The following BRWD1 variants were observed in gnomAD, a reference collection of about 807,000 sequenced individuals.
The protein encoded by BRWD1 is bromodomain and WD repeat-containing protein 1.
In BRWD1, 82 loss-of-function variants were observed where a neutral mutation model predicts 251.2. The observed-to-expected ratio is 0.33, with a 90% CI of 0.27 to 0.39. The LOEUF (loss-of-function observed/expected upper bound fraction) is 0.39, where lower values mean the gene tolerates loss of function less well. BRWD1 is among the 10% of genes least tolerant of loss of function. BRWD1 has a pLI of 1.00. For synonymous variants in BRWD1, 918 were observed against 902.8 expected, an observed-to-expected ratio of 1.02 and a Z score of -0.30; for missense variants, 2,233 against 2,711.6, an observed-to-expected ratio of 0.82 and a Z score of 3.92.
intron 8 of BRWD1, among the ~76,000 whole-genome samples, chr21:39,282,424 G>C (rs760338089): frequency 6.6e-5 from 10 of 152,108 alleles, no homozygotes; most frequent in Non-Finnish European, 1.0e-4. Flanking sequence ...CTAACATTGA[G>C]CTTTGCAGGC....
intron 23 of BRWD1, among the ~76,000 whole-genome samples, chr21:39,233,333 T>C (rs1192419277): frequency 6.6e-6 from 1 of 152,186 alleles, no homozygotes; most frequent in East Asian, 1.9e-4. Context: ...ACATGAAATA[T>C]GCAACGTTTG....
chr21:39,273,173 G>A (rs576613102), intron 13 of BRWD1, among the ~76,000 whole-genome samples: 24 of 152,246 alleles, frequency 1.6e-4, no homozygotes, highest in African/African-American at 5.5e-4. Context: ...TTTCATTCAA[G>A]TTTTGACAGT....
At chr21:39,262,051 C>CA (rs2034768224) in intron 17 of BRWD1, among the ~76,000 whole-genome samples, 1 of 152,002 alleles carries the variant, frequency 6.6e-6, no homozygotes, top group Non-Finnish European at 1.5e-5. Flanking sequence ...CTCTTCAAAA[C>CA]AAAAAATATT....
rs770493778 is a variant in BRWD1, at chr21:39,298,621, A to G, written c.199-39T>C. 33 of 1,501,560 alleles carry G rather than the reference A, an allele frequency of 2.2e-5. No individual in the cohort carries two copies. The Admixed American group carries it at 5.4e-4, about 25-fold the overall frequency. 93.0% of individuals were successfully genotyped at this position (1,501,560 alleles called of 1,614,324 possible). A position where few individuals can be genotyped will look rare whatever the true frequency, so the allele number is the denominator to read the frequency against. On this transcript the variant is annotated intron_variant, in intron 4 of 40. Coordinates refer to ENST00000342449, the MANE Select transcript of BRWD1 (RefSeq NM_033656.4). ...AAGTTTTAATGACAACAGCTTAATA[A>G]TATCAAAAACTATTAAATACTTAGG...
chr21:39,245,580 T>G (rs1161673002), intron 21 of BRWD1, among the ~76,000 whole-genome samples: 1 of 147,326 alleles, frequency 6.8e-6, no homozygotes, highest in Non-Finnish European at 1.5e-5. Flanking sequence ...AACACTGTAG[T>G]ATTAAATACT....
At chr21:39,277,608 G>A (rs1271352810) in intron 10 of BRWD1, among the ~76,000 whole-genome samples, 1 of 152,108 alleles carries the variant, frequency 6.6e-6, no homozygotes, top group Non-Finnish European at 1.5e-5. Flanking sequence ...CTGTCGCCCA[G>A]TCTGGAGCCC....
At chr21:39,223,930 C>T (rs973696559) in intron 29 of BRWD1, among the ~76,000 whole-genome samples, 2 of 152,300 alleles carry the variant, frequency 1.3e-5, no homozygotes, top group South Asian at 4.1e-4. Flanking sequence ...CTCAGTGAAA[C>T]CTCTGCCTCC....
chr21:39,287,653 CAAT>C (rs1273803295), intron 8 of BRWD1, among the ~76,000 whole-genome samples: 1 of 152,148 alleles, frequency 6.6e-6, no homozygotes, highest in Non-Finnish European at 1.5e-5. Flanking sequence ...GTTCCCTGAA[CAAT>C]GTGTTTTTTA....
chr21:39,245,897 C>T (rs1431816537), intron 21 of BRWD1, among the ~76,000 whole-genome samples: 1 of 151,994 alleles, frequency 6.6e-6, no homozygotes, highest in Admixed American at 6.6e-5. Context: ...CCACCGTGCC[C>T]GGCCTATTAA....
intron 8 of BRWD1, among the ~76,000 whole-genome samples, chr21:39,290,878 T>C (rs1457120405): frequency 6.6e-6 from 1 of 152,154 alleles, no homozygotes; most frequent in Non-Finnish European, 1.5e-5. Context: ...AGGCTTATAA[T>C]TCCAGCACTT....
At chr21:39,214,958 T>C (rs1024804173) in intron 32 of BRWD1, among the ~76,000 whole-genome samples, 2 of 151,402 alleles carry the variant, frequency 1.3e-5, no homozygotes, top group East Asian at 1.9e-4. Context: ...CCACACACGA[T>C]TGGGCTCACT....
intron 39 of BRWD1, among the ~76,000 whole-genome samples, chr21:39,199,913 G>A (rs896721360): frequency 1.6e-4 from 24 of 152,080 alleles, no homozygotes; most frequent in African/African-American, 5.3e-4. Context: ...ACCATGCCTG[G>A]CTAATTTTTT....
chr21:39,251,133 G>C (rs574797855), intron 19 of BRWD1, among the ~76,000 whole-genome samples: 31 of 151,966 alleles, frequency 2.0e-4, no homozygotes, highest in Non-Finnish European at 3.5e-4. Context: ...GTACTATCAG[G>C]ACCAATTCAA....
At chr21:39,277,400 T>G (rs753886711) in intron 10 of BRWD1, 49 bp from the exon 11 acceptor site, 1 of 1,123,228 alleles carries the variant, frequency 8.9e-7, no homozygotes, top group Non-Finnish European at 1.2e-6. Flanking sequence ...AACAAATACC[T>G]GAACAAATCA....
chr21:39,282,994 T>C (rs1311183683), intron 8 of BRWD1, among the ~76,000 whole-genome samples: 9 of 151,240 alleles, frequency 6.0e-5, no homozygotes, highest in African/African-American at 2.2e-4. Flanking sequence ...TAAACCTAAC[T>C]GTCCATGAAA....
chr21:39,267,153 T>C (rs2034948040), intron 15 of BRWD1, among the ~76,000 whole-genome samples: 1 of 152,238 alleles, frequency 6.6e-6, no homozygotes, highest in African/African-American at 2.4e-5. Context: ...CCTAATTGTC[T>C]ATTTGTACTT....
intron 4 of BRWD1, among the ~76,000 whole-genome samples, chr21:39,304,068 G>C (rs1287149594): frequency 6.7e-6 from 1 of 150,292 alleles, no homozygotes; most frequent in African/African-American, 2.5e-5. Flanking sequence ...TTGAACCCGG[G>C]AGGCGGAGGT....
intron 10 of BRWD1, among the ~76,000 whole-genome samples, chr21:39,277,729 A>C (rs1314459696): frequency 3.3e-5 from 5 of 151,942 alleles, no homozygotes; most frequent in Non-Finnish European, 7.4e-5. Flanking sequence ...ATGCCCAGCT[A>C]ATTTTTTGTA....
In BRWD1 at chr21:39,238,601, T is replaced by A. The variant is rs780997791; in HGVS notation, c.2482-28A>T. On this transcript the variant is annotated intron_variant, in intron 21 of 40. Transcript: ENST00000342449. The stretch of plus-strand genomic sequence containing the variant: ...AATTTGTGAAGGGGGGAAAAAAATC[T>A]TGATCCCTGAAGTTAAACAACACAT... 8 of 1,520,048 alleles carry A rather than the reference T, an allele frequency of 5.3e-6. No homozygotes were observed. The East Asian group carries it at 1.8e-4, about 34-fold the overall frequency. The allele number at this position is 1,520,048 out of a possible 1,614,324, so 94.2% of individuals were successfully genotyped here.
Sources: allele counts gnomAD v4.1 joint callset (sites outside exome capture counted in the v4.1 genomes callset), GRCh38; gene constraint gnomAD v4.1.1; transcripts MANE v1.5; gene names NCBI Gene and HGNC (gene_info 2026-07-23, HGNC 2026-07-21).